CCDC148: variants seen among roughly 807,000 people sequenced by gnomAD.
CCDC148 encodes the protein coiled-coil domain-containing protein 148.
Under a neutral mutation model 85.7 loss-of-function variants are expected in CCDC148, and 89 were observed. The ratio of observed to expected loss-of-function variants is 1.04; its 90% CI spans 0.87 to 1.24. The LOEUF is 1.24. Ranked by LOEUF, CCDC148 falls within the 50% of genes most tolerant of loss-of-function variation. CCDC148 has a pLI of 0.00. For synonymous variants in CCDC148, 230 were observed against 213.9 expected, an observed-to-expected ratio of 1.08 and a Z score of -0.66; for missense variants, 692 against 671.7, an observed-to-expected ratio of 1.03 and a Z score of -0.33.
At chr2:158,359,281 A>G (rs1265965076) in intron 1 of CCDC148, among the ~76,000 whole-genome samples, 1 of 152,232 alleles carries the variant, frequency 6.6e-6, no homozygotes, top group Non-Finnish European at 1.5e-5. Context: ...TCTGTGTCAT[A>G]TAAAGTAATT....
chr2:158,352,647 A>C (rs1235962944), intron 2 of CCDC148, among the ~76,000 whole-genome samples: 4 of 152,232 alleles, frequency 2.6e-5, no homozygotes, highest in Non-Finnish European at 5.9e-5. Context: ...GTTGGAAAAC[A>C]GTCTTCAGGA....
chr2:158,289,886 T>C (rs1690806631), intron 9 of CCDC148, among the ~76,000 whole-genome samples: 1 of 152,174 alleles, frequency 6.6e-6, no homozygotes, highest in South Asian at 2.1e-4. Flanking sequence ...GGGGGAAAGA[T>C]GCCACACACA....
chr2:158,320,076 C>T (rs1038381243), intron 7 of CCDC148, among the ~76,000 whole-genome samples: 1 of 152,032 alleles, frequency 6.6e-6, no homozygotes, highest in African/African-American at 2.4e-5. Context: ...ATAAAATTAC[C>T]TTATATAGAC....
chr2:158,386,552 T>G (rs1016202390), intron 1 of CCDC148, among the ~76,000 whole-genome samples: 7 of 152,116 alleles, frequency 4.6e-5, no homozygotes, highest in African/African-American at 1.7e-4. Flanking sequence ...AATTAACAGA[T>G]GTACCACAAG....
intron 1 of CCDC148, among the ~76,000 whole-genome samples, chr2:158,451,234 T>A (rs1290439365): frequency 6.6e-6 from 1 of 152,224 alleles, no homozygotes; most frequent in African/African-American, 2.4e-5. Flanking sequence ...CTGTTTTGAA[T>A]TAGTTGTATA....
At chr2:158,433,092 A>AAAAAAAAAAAAATATCTATATATC (rs1559141535) in intron 1 of CCDC148, among the ~76,000 whole-genome samples, 3 of 67,318 alleles carry the variant, frequency 4.5e-5, no homozygotes, top group African/African-American at 1.5e-4. Flanking sequence ...AAAAAAAAAA[A>AAAAAAAAAAAAATATCTATATATC]TATATATATA....
At chr2:158,342,825 C>A (rs779099657) in intron 3 of CCDC148, among the ~76,000 whole-genome samples, 2 of 151,938 alleles carry the variant, frequency 1.3e-5, no homozygotes, top group Non-Finnish European at 2.9e-5. Flanking sequence ...CAGAATGAAA[C>A]GAGGGAGAAA....
Position 158,433,091 on chromosome 2 carries a change from A to ATATATATATATATAT in CCDC148, c.25+23323_25+23324insATATATATATATATA, listed in dbSNP as rs57287790. Among the ~76,000 whole-genome samples, 14 of 51,336 alleles carry ATATATATATATATAT rather than the reference A, an allele frequency of 2.7e-4. No homozygotes were observed. The South Asian group carries it at 5.0e-3, about 18-fold the overall frequency. 33.7% of individuals were successfully genotyped at this position (51,336 alleles called of 152,430 possible). A position where few individuals can be genotyped will look rare whatever the true frequency, so the allele number is the denominator to read the frequency against. On this transcript the variant is annotated intron_variant, in intron 1 of 13. Coordinates refer to ENST00000283233, the MANE Select transcript of CCDC148 (RefSeq NM_138803.4). ...CATCTCTACAAAAAAAAAAAAAAAA[A>ATATATATATATATAT]ATATATATATATATATATATGACTT... is the stretch of plus-strand genomic sequence containing the variant.
intron 1 of CCDC148, among the ~76,000 whole-genome samples, chr2:158,433,127 G>T (rs1330963905): frequency 7.6e-6 from 1 of 130,828 alleles, no homozygotes; most frequent in Non-Finnish European, 1.6e-5. Flanking sequence ...GGGTGTCATG[G>T]CCCACACCTG....
At chr2:158,362,089 A>G (rs1320974258) in intron 1 of CCDC148, among the ~76,000 whole-genome samples, 2 of 152,116 alleles carry the variant, frequency 1.3e-5, no homozygotes, top group South Asian at 2.1e-4. Context: ...AGGTCATTAC[A>G]TAATGCTAAA....
intron 11 of CCDC148, among the ~76,000 whole-genome samples, chr2:158,195,530 A>T (rs1685628586): frequency 6.6e-6 from 1 of 152,052 alleles, no homozygotes; most frequent in African/African-American, 2.4e-5. Flanking sequence ...TTCTCTGTGG[A>T]ATTATTAAGG....
At chr2:158,202,393 T>G (rs968449731) in intron 11 of CCDC148, among the ~76,000 whole-genome samples, 1 of 152,248 alleles carries the variant, frequency 6.6e-6, no homozygotes, top group Non-Finnish European at 1.5e-5. Flanking sequence ...TTTGGTTTAA[T>G]AGAATGTCAA....
intron 1 of CCDC148, among the ~76,000 whole-genome samples, chr2:158,380,598 T>G (rs899651246): frequency 6.6e-6 from 1 of 152,156 alleles, no homozygotes; most frequent in Non-Finnish European, 1.5e-5. Flanking sequence ...AGTTTTTTTG[T>G]GCATATGAAA....
chr2:158,233,822 G>A (rs1350582582), intron 10 of CCDC148, among the ~76,000 whole-genome samples: 2 of 152,068 alleles, frequency 1.3e-5, no homozygotes, highest in African/African-American at 4.8e-5. Context: ...CTCTTCTGTA[G>A]TTTGATGGTA....
At chr2:158,403,530 C>T (rs1685874735) in intron 1 of CCDC148, among the ~76,000 whole-genome samples, 1 of 152,000 alleles carries the variant, frequency 6.6e-6, no homozygotes, top group African/African-American at 2.4e-5. Flanking sequence ...ATGAACTAAA[C>T]AATAAAGCGG....
intron 1 of CCDC148, among the ~76,000 whole-genome samples, chr2:158,407,859 AG>A (rs1450533300): frequency 6.6e-6 from 1 of 152,170 alleles, no homozygotes; most frequent in East Asian, 1.9e-4. Flanking sequence ...GACCCAAATA[AG>A]GTTAAGATAT....
chr2:158,202,367 A>G (rs1221616648), intron 11 of CCDC148, among the ~76,000 whole-genome samples: 1 of 152,250 alleles, frequency 6.6e-6, no homozygotes, highest in African/African-American at 2.4e-5. Context: ...GAATGCAATC[A>G]GATGAGAATG....
chr2:158,235,336 T>C (rs115941293), intron 10 of CCDC148, among the ~76,000 whole-genome samples: 2,409 of 152,344 alleles, frequency 0.016, 28 homozygotes, highest in Non-Finnish European at 0.026. Flanking sequence ...TATATTCCTA[T>C]ATAACATTTT....
At chr2:158,178,456 T>C (rs1487112476) in intron 12 of CCDC148, among the ~76,000 whole-genome samples, 1 of 152,136 alleles carries the variant, frequency 6.6e-6, no homozygotes, top group Non-Finnish European at 1.5e-5. Context: ...TAAAAAACTG[T>C]TTTTAACACA....
Sources: allele counts gnomAD v4.1 joint callset (sites outside exome capture counted in the v4.1 genomes callset), GRCh38; gene constraint gnomAD v4.1.1; transcripts MANE v1.5; gene names NCBI Gene and HGNC (gene_info 2026-07-23, HGNC 2026-07-21).